ZNF362: variants seen among roughly 807,000 people sequenced by gnomAD.
ZNF362 encodes zinc finger protein 362.
ZNF362 carries 11 observed loss-of-function variants against 42.9 expected under a neutral mutation model. That is an observed-to-expected ratio of 0.26 (90% CI 0.16 to 0.42). The LOEUF (loss-of-function observed/expected upper bound fraction) is 0.42. ZNF362 is among the 20% of genes least tolerant of loss of function. ZNF362 has a pLI of 1.00. For synonymous variants in ZNF362, 255 were observed against 257.3 expected (o/e 0.99, Z 0.09); for missense variants, 362 against 576.2 (o/e 0.63, Z 3.81).
chr1:33,196,668 T>C, the ZNF362 span, among the ~76,000 whole-genome samples: 1 of 152,182 alleles, frequency 6.6e-6, no homozygotes, highest in Non-Finnish European at 1.5e-5. Flanking sequence ...ATGATAAAAA[T>C]TATAGCATAG....
intron 1 of ZNF362, among the ~76,000 whole-genome samples, chr1:33,257,842 A>AC (rs1363163538): frequency 2.6e-5 from 4 of 151,650 alleles, no homozygotes; most frequent in Admixed American, 1.3e-4. Flanking sequence ...GGTGGCCAGG[A>AC]CCCCCCGTGT....
Position 33,299,273 on chromosome 1 carries a change from G to T in ZNF362, c.*227G>T. ...TTGGTGGCATCCAAAGACGATCTCA[G>T]AGCACTTTGAACCTCTCTGTTGAGT... On this transcript the variant is annotated 3_prime_UTR_variant, in exon 9 of 9. Transcript: ENST00000539719. 1 of 458,264 alleles carries T rather than the reference G, an allele frequency of 2.2e-6. No individual in the cohort carries two copies. Among genetic ancestry groups the T allele is most frequent in the Non-Finnish European group, 4.0e-6 (1 of 251,002 alleles). 28.4% of individuals were successfully genotyped at this position (458,264 alleles called of 1,614,324 possible).
chr1:33,282,592 C>T (rs1479443063), intron 6 of ZNF362, among the ~76,000 whole-genome samples: 1 of 152,036 alleles, frequency 6.6e-6, no homozygotes, highest in East Asian at 1.9e-4. Flanking sequence ...GAGGCTGAGG[C>T]GGGTGGATCA....
At chr1:33,211,292 G>T in the ZNF362 span, among the ~76,000 whole-genome samples, 10 of 152,086 alleles carry the variant, frequency 6.6e-5, no homozygotes, top group African/African-American at 2.4e-4. Flanking sequence ...ATGCTAGCTG[G>T]TTATTTCACT....
chr1:33,154,478 T>C, the ZNF362 span, among the ~76,000 whole-genome samples: 1 of 152,204 alleles, frequency 6.6e-6, no homozygotes, highest in East Asian at 1.9e-4. Context: ...GAACCATCTT[T>C]AGATCTTTTT....
chr1:33,286,462 C>CAGGA (rs1042826208), intron 6 of ZNF362, among the ~76,000 whole-genome samples: 1 of 151,868 alleles, frequency 6.6e-6, no homozygotes, highest in African/African-American at 2.4e-5. Flanking sequence ...TTCTTTGACT[C>CAGGA]AGGGATTATT....
At chr1:33,284,593 T>G (rs1646018999) in intron 6 of ZNF362, among the ~76,000 whole-genome samples, 1 of 152,224 alleles carries the variant, frequency 6.6e-6, no homozygotes, top group African/African-American at 2.4e-5. Flanking sequence ...CATATCTATG[T>G]TAGGTTTTTA....
the ZNF362 span, chr1:33,147,573 T>C: frequency 6.2e-7 from 1 of 1,614,096 alleles, no homozygotes; most frequent in Non-Finnish European, 8.5e-7. The surrounding 1 kb of genome is among the most constrained non-coding windows in gnomAD (Gnocchi z 8.1). Flanking sequence ...TACTGAAGGC[T>C]TCAGAACCCA....
At chr1:33,229,705 C>G in the ZNF362 span, among the ~76,000 whole-genome samples, 1 of 151,914 alleles carries the variant, frequency 6.6e-6, no homozygotes, top group East Asian at 1.9e-4. Context: ...ACTCCCGGCC[C>G]TATTCTGCCT....
chr1:33,258,195 C>T (rs981209579), intron 1 of ZNF362, among the ~76,000 whole-genome samples: 27 of 152,154 alleles, frequency 1.8e-4, no homozygotes, highest in Non-Finnish European at 3.4e-4. Context: ...CGGTTAAGTT[C>T]CTGAAGTATC....
chr1:33,167,511 G>A, the ZNF362 span, among the ~76,000 whole-genome samples: 4 of 152,078 alleles, frequency 2.6e-5, no homozygotes, highest in Admixed American at 6.6e-5. This position sits in a 1 kb window ranked among gnomAD's most constrained non-coding sequence, Gnocchi z 4.2. Context: ...CTTCGTCCCC[G>A]TATTGGCCCA....
At position 33,280,281 on chromosome 1, in the gene ZNF362, C is replaced by T. The variant is rs746737705; in HGVS notation, c.507C>T (p.Ser169=). Residue 169 remains serine (S), a synonymous_variant, in exon 5 of 9, where the codon AGC becomes AGT. Coordinates refer to ENST00000539719, the MANE Select transcript of ZNF362 (RefSeq NM_152493.3). This position sits in a 1 kb window ranked among gnomAD's most constrained non-coding sequence, Gnocchi z 5.6. The stretch of plus-strand genomic sequence containing the variant: ...CCACCCTCATCTCAGGGATCACCAG[C>T]CCCCCTCTCCTGGACTCCATCAAGA... ...SSPTLISGIT[S]PPLLDSIKTI... is the part of the protein sequence containing the mutation. 107 of 1,613,880 alleles carry T rather than the reference C, an allele frequency of 6.6e-5. No individual in the cohort carries two copies. Among genetic ancestry groups the T allele is most frequent in the Non-Finnish European group, 8.2e-5 (97 of 1,179,888 alleles).
chr1:33,223,444 C>T, the ZNF362 span, among the ~76,000 whole-genome samples: 629 of 152,314 alleles, frequency 4.1e-3, 8 homozygotes, highest in African/African-American at 0.014. Flanking sequence ...TCTTTATCAG[C>T]GGCATGAAAA....
intron 6 of ZNF362, chr1:33,282,047 C>G (rs534546750): frequency 1.8e-6 from 1 of 559,752 alleles, no homozygotes; most frequent in African/African-American, 1.9e-5. Context: ...ACACCCCTCT[C>G]CCGCTTTTCC....
At chr1:33,268,379 T>A (rs12034407) in intron 1 of ZNF362, among the ~76,000 whole-genome samples, 30,493 of 152,178 alleles carry the variant, frequency 0.2, 3,532 homozygotes, top group South Asian at 0.28. Flanking sequence ...TCCAAACTTT[T>A]ATCAGGTACT....
At chr1:33,141,487 C>G in the ZNF362 span, among the ~76,000 whole-genome samples, 13 of 152,176 alleles carry the variant, frequency 8.5e-5, no homozygotes, top group African/African-American at 3.1e-4. Flanking sequence ...CACTCAGACC[C>G]TTCCAGCATT....
At chr1:33,248,548 G>A in the ZNF362 span, among the ~76,000 whole-genome samples, 1 of 152,178 alleles carries the variant, frequency 6.6e-6, no homozygotes, top group East Asian at 1.9e-4. Flanking sequence ...AAAATGGACT[G>A]GAATTTCCTA....
chr1:33,134,481 G>A, the ZNF362 span, among the ~76,000 whole-genome samples: 1 of 152,192 alleles, frequency 6.6e-6, no homozygotes, highest in Non-Finnish European at 1.5e-5. Context: ...CATTGGAAAA[G>A]GAGTAAATGG....
the ZNF362 span, among the ~76,000 whole-genome samples, chr1:33,233,626 A>G: frequency 6.6e-6 from 1 of 151,456 alleles, no homozygotes; most frequent in African/African-American, 2.4e-5. Flanking sequence ...CTGGTCTTGA[A>G]CTCCTGACCT....
Sources: gnomAD v4.1 joint callset for allele counts (sites outside exome capture counted in the v4.1 genomes callset) on GRCh38, gnomAD v4.1.1 for gene constraint, Gnocchi (gnomAD v3.1) non-coding constraint, MANE v1.5 for transcripts, NCBI Gene and HGNC (gene_info 2026-07-23, HGNC 2026-07-21) for gene names.